FAM169A: variants seen among roughly 807,000 people sequenced by gnomAD.
The protein encoded by FAM169A is family with sequence similarity 169 member A, also known as soluble lamin-associated protein of 75 kDa.
In FAM169A, 24 loss-of-function variants were observed where a neutral mutation model predicts 75.7. The ratio of observed to expected loss-of-function variants is 0.32; its 90% CI spans 0.23 to 0.45. The LOEUF (loss-of-function observed/expected upper bound fraction) is 0.45, where lower values mean the gene tolerates loss of function less well. Among genes scored for constraint, FAM169A ranks in the 20% least tolerant of loss-of-function variants. The pLI is 1.00. For synonymous variants in FAM169A, 271 were observed against 271.0 expected, an observed-to-expected ratio of 1.00 and a Z score of 0.00; for missense variants, 673 against 784.0, an observed-to-expected ratio of 0.86 and a Z score of 1.69.
Position 74,837,198 on chromosome 5 carries a change from A to ATT in FAM169A, c.318+1766_318+1767insAA, listed in dbSNP as rs1406131899. On this transcript the variant is annotated intron_variant, in intron 4 of 12. Coordinates refer to ENST00000687041, the MANE Select transcript of FAM169A (RefSeq NM_001376049.1). ...CTCAGTCATGTTAAAACACATCAGAATGCTTATTTTCTTGACATACATACT... is the reference window on the plus strand; with the variant it reads ...CTCAGTCATGTTAAAACACATCAGAATTTGCTTATTTTCTTGACATACATACT... Among the ~76,000 whole-genome samples, 4 of 152,138 alleles carry ATT rather than the reference A, an allele frequency of 2.6e-5. No individual in the cohort carries two copies. In the East Asian group the frequency reaches 7.7e-4, roughly 29 times the overall value.
intron 1 of FAM169A, among the ~76,000 whole-genome samples, chr5:74,846,654 A>G (rs942007748): frequency 6.6e-6 from 1 of 152,226 alleles, no homozygotes; most frequent in African/African-American, 2.4e-5. Flanking sequence ...ACTTTAGGGT[A>G]GCAAACAGTC....
At position 74,856,953 on chromosome 5, in the gene FAM169A, C is replaced by CA. The variant is rs1350495448; in HGVS notation, c.-4+9211dup. 4.6e-5 allele frequency among the ~76,000 whole-genome samples: 7 copies of CA among 150,888 alleles called. No individual in the cohort carries two copies. In the East Asian group the frequency reaches 1.4e-3, roughly 30 times the overall value. On this transcript the variant is annotated intron_variant, in intron 1 of 12. Transcript: ENST00000687041. ...TGAAACCCCATCTCTACTAAAAATA[C>CA]AAAAAATTAGCCTGGTGTGGTGGTG...
intron 5 of FAM169A, among the ~76,000 whole-genome samples, chr5:74,825,080 G>A (rs1747954731): frequency 6.6e-6 from 1 of 152,016 alleles, no homozygotes; most frequent in Non-Finnish European, 1.5e-5. Context: ...TACCATGAAT[G>A]TTTATTTTTA....
chr5:74,791,936 A>G (rs1440608181), intron 11 of FAM169A, among the ~76,000 whole-genome samples: 3 of 152,250 alleles, frequency 2.0e-5, no homozygotes, highest in African/African-American at 7.2e-5. Flanking sequence ...TATTTTGTTA[A>G]GAACATGTTT....
At chr5:74,795,158 T>C (rs1277513041) in intron 11 of FAM169A, among the ~76,000 whole-genome samples, 1 of 151,700 alleles carries the variant, frequency 6.6e-6, no homozygotes, top group Non-Finnish European at 1.5e-5. Flanking sequence ...CTTGGAAGAC[T>C]GAGGCAGGAG....
rs567722003 is a variant in FAM169A at position 74,778,169 on chromosome 5, A to G, written c.*3291T>C. 6.6e-6 allele frequency: 1 copy of G among 152,214 alleles called. No individual in the cohort carries two copies. The highest frequency in any genetic ancestry group is 1.9e-4 in the East Asian group (1 of 5,194). 9.4% of individuals were successfully genotyped at this position (152,214 alleles called of 1,614,324 possible). A position where few individuals can be genotyped will look rare whatever the true frequency, so the allele number is the denominator to read the frequency against. ...TTGTAAGGTACAAAGAAAGCTTGAT[A>G]TTAAGTATGAAAACATAAGCATAAC... On this transcript the variant is annotated 3_prime_UTR_variant, in exon 13 of 13. Transcript: ENST00000687041.
chr5:74,819,561 G>A (rs1368155360), intron 5 of FAM169A, among the ~76,000 whole-genome samples: 2 of 152,086 alleles, frequency 1.3e-5, no homozygotes, highest in Admixed American at 6.6e-5. Context: ...CACACTCCAG[G>A]AGACTTGAAG....
intron 11 of FAM169A, among the ~76,000 whole-genome samples, chr5:74,791,751 G>A (rs1470042582): frequency 6.6e-6 from 1 of 152,168 alleles, no homozygotes; most frequent in Non-Finnish European, 1.5e-5. Flanking sequence ...AGACCCTTCA[G>A]GAATGAAGGT....
chr5:74,849,579 AG>A (rs1175560827), intron 1 of FAM169A, among the ~76,000 whole-genome samples: 1 of 152,088 alleles, frequency 6.6e-6, no homozygotes, highest in Non-Finnish European at 1.5e-5. Flanking sequence ...AGAATAGGTT[AG>A]GTATCCAGGC....
At chr5:74,822,920 A>T (rs1370396437) in intron 5 of FAM169A, among the ~76,000 whole-genome samples, 1 of 152,068 alleles carries the variant, frequency 6.6e-6, no homozygotes, top group Non-Finnish European at 1.5e-5. Flanking sequence ...CCCCGCCTAC[A>T]CACTATGGAG....
Position 74,783,016 on chromosome 5 carries a change from G to A in FAM169A, c.1379C>T (p.Pro460Leu). ...EVLDEELKLQ[P>L]FNSSEDSTNL... ...TGTAGAGTCTTCACTGGAATTAAAA[G>A]GCTGCAATTTTAATTCTTCATCTAA... is the stretch of plus-strand genomic sequence containing the variant. Residue 460 changes from proline to leucine, a missense_variant, in exon 12 of 13, where the codon CCT (proline) becomes CTT (leucine). Physicochemically the swap from Pro to Leu is moderately conservative, Grantham distance 98 (BLOSUM62 -3). This residue lies in a region of FAM169A where 510 missense variants were observed against 550.9 expected (regional missense o/e 0.93). Transcript: ENST00000687041. 1 of 1,613,512 alleles carries A rather than the reference G, an allele frequency of 6.2e-7. No individual in the cohort carries two copies. The highest frequency in any genetic ancestry group is 8.5e-7 in the Non-Finnish European group (1 of 1,179,488).
intron 1 of FAM169A, among the ~76,000 whole-genome samples, chr5:74,844,065 GA>G (rs1331348568): frequency 2.6e-5 from 4 of 152,032 alleles, no homozygotes; most frequent in Non-Finnish European, 1.5e-5. Flanking sequence ...GGAGTTTATA[GA>G]AAAAAAGTAA....
chr5:74,827,092 A>AT, intron 5 of FAM169A, among the ~76,000 whole-genome samples: 1 of 152,328 alleles, frequency 6.6e-6, no homozygotes, highest in South Asian at 2.1e-4. Context: ...AGTACATCAT[A>AT]TATCATGGGA....
At chr5:74,866,569 CG>C, upstream of FAM169A, 1 of 508,104 alleles carries the variant, frequency 2.0e-6, no homozygotes, top group Non-Finnish European at 2.5e-6. Flanking sequence ...GGGCGTCACG[CG>C]GCCCCCGCCT....
At chr5:74,800,604 C>T (rs891626574) in intron 10 of FAM169A, among the ~76,000 whole-genome samples, 1 of 152,028 alleles carries the variant, frequency 6.6e-6, no homozygotes, top group African/African-American at 2.4e-5. Context: ...CACTGATAAA[C>T]AACTAATAAT....
At chr5:74,860,272 C>A (rs1749965053) in intron 1 of FAM169A, among the ~76,000 whole-genome samples, 1 of 152,184 alleles carries the variant, frequency 6.6e-6, no homozygotes, top group African/African-American at 2.4e-5. Context: ...AACTTGAAAG[C>A]ACTGGCATAC....
chr5:74,791,379 C>T (rs1466529659), intron 11 of FAM169A, among the ~76,000 whole-genome samples: 1 of 152,166 alleles, frequency 6.6e-6, no homozygotes, highest in Non-Finnish European at 1.5e-5. Flanking sequence ...AACATTTTTG[C>T]TTCCTGTCCC....
intron 6 of FAM169A, among the ~76,000 whole-genome samples, chr5:74,811,034 G>C (rs1747167999): frequency 7.1e-6 from 1 of 141,418 alleles, no homozygotes; most frequent in Non-Finnish European, 1.5e-5. Flanking sequence ...CCAGGTTGAA[G>C]TGCAGTGGCA....
upstream of FAM169A, chr5:74,866,857 G>T: frequency 1.0e-6 from 1 of 985,552 alleles, no homozygotes; most frequent in Non-Finnish European, 1.2e-6. Context: ...CGGGACAGGG[G>T]TGCAGAGGGC....
Sources: allele counts gnomAD v4.1 joint callset (sites outside exome capture counted in the v4.1 genomes callset), GRCh38; gene constraint gnomAD v4.1.1; regional missense constraint gnomAD v4.1.1; transcripts MANE v1.5; gene names NCBI Gene and HGNC (gene_info 2026-07-23, HGNC 2026-07-21).